The following SPRN variants were observed in gnomAD, a reference collection of about 807,000 sequenced individuals.
SPRN encodes the protein shadow of prion protein.
For missense variants in SPRN, 312 were observed against 241.4 expected (o/e 1.29, Z -1.94); for synonymous variants, 182 against 123.4 (o/e 1.48, Z -3.15).
In SPRN at chr10:133,423,662, G is replaced by A. The variant is rs2492666; in HGVS notation, c.20C>T (p.Thr7Met). Residue 7 changes from threonine (T) to methionine (M), a missense_variant, in exon 2 of 2, where the codon ACG (threonine) becomes ATG (methionine). By Grantham distance (81) the Thr-to-Met change is moderately conservative (BLOSUM62 -1). Coordinates refer to ENST00000685335, the MANE Select transcript of SPRN (RefSeq NM_001391974.1). ...GGCCGCCAGTAGCAGAGCCCAGCAC[G>A]TTGCGGGTGCCCAGTTCATCTTCGT... MNWAPA[T>M]CWALLLAAAF... The A allele has an allele frequency of 0.65, 1,018,152 of 1,577,562 alleles. 337,504 individuals are homozygous for A. The highest frequency in any genetic ancestry group is 0.68 in the Non-Finnish European group (794,555 of 1,162,702).
Position 133,423,445 on chromosome 10 carries a change from C to A in SPRN, c.237G>T (p.Ala79=). 3.2e-6 allele frequency: 4 copies of A among 1,244,252 alleles called. No homozygotes were observed. Among genetic ancestry groups the A allele is most frequent in the Admixed American group, 4.2e-5 (1 of 23,908 alleles). The allele number at this position is 1,244,252 out of a possible 1,614,324, so 77.1% of individuals were successfully genotyped here. The change falls in exon 2 of 2, where the codon GCG becomes GCT. Residue 79 remains alanine, a synonymous_variant. Transcript: ENST00000685335. The stretch of plus-strand genomic sequence containing the variant: ...CCGAGCCCGCCGCCAGGCCCGCGGC[C>A]GCTCCCGCCGCCGCCCCGGCTGCCG... ...AGAAAGAAAG[A]AAGLAAGSGW...
rs759765657 is a variant in SPRN at position 133,423,454 on chromosome 10, C to CGCCGCCCCGGCT, written c.216_227dup (p.Ala79_Gly82dup). On this transcript the variant is annotated inframe_insertion, in exon 2 of 2. Coordinates refer to ENST00000685335, the MANE Select transcript of SPRN (RefSeq NM_001391974.1). The stretch of plus-strand genomic sequence containing the variant: ...CCGCCAGGCCCGCGGCCGCTCCCGC[C>CGCCGCCCCGGCT]GCCGCCCCGGCTGCCGCCCCGGCGG... The CGCCGCCCCGGCT allele has an allele frequency of 2.2e-5, 27 of 1,211,588 alleles. 1 individual carries two copies. The Admixed American group carries it at 2.7e-4, about 12-fold the overall frequency. 75.1% of individuals were successfully genotyped at this position (1,211,588 alleles called of 1,614,324 possible). A position where few individuals can be genotyped will look rare whatever the true frequency, so the allele number is the denominator to read the frequency against.
chr10:133,423,557 C>G lies in SPRN; in HGVS notation c.125G>C (p.Gly42Ala). 3 of 1,285,058 alleles carry G rather than the reference C, an allele frequency of 2.3e-6. No homozygotes were observed. Among genetic ancestry groups the G allele is most frequent in the South Asian group, 5.0e-5 (2 of 39,772 alleles). The allele number at this position is 1,285,058 out of a possible 1,614,324, so 79.6% of individuals were successfully genotyped here. A position where few individuals can be genotyped will look rare whatever the true frequency, so the allele number is the denominator to read the frequency against. Residue 42 changes from glycine (G) to alanine (A), a missense_variant, in exon 2 of 2, where the codon GGT (glycine) becomes GCT (alanine). Transcript: ENST00000685335. ...RGSARGGVRG[G>A]ARGASRVRVR... ...GCGCACCCTCGAGGCCCCGCGCGCA[C>G]CCCCGCGGACCCCTCCCCGGGCACT...
At position 133,422,518 on chromosome 10, in the gene SPRN, C is replaced by A. The variant is rs772423880; in HGVS notation, c.*708G>T. The A allele has an allele frequency of 3.3e-5, 5 of 152,332 alleles. No individual in the cohort carries two copies. Among genetic ancestry groups the A allele is most frequent in the Non-Finnish European group, 7.3e-5 (5 of 68,146 alleles). The allele number at this position is 152,332 out of a possible 1,614,324, so 9.4% of individuals were successfully genotyped here. ...CTAAGGAGGGTAAAGTGACTTGTTT[C>A]AAGTTGTTGGAGCAAAGTGGGTCTC... is the stretch of plus-strand genomic sequence containing the variant. On this transcript the variant is annotated 3_prime_UTR_variant, in exon 2 of 2. Coordinates refer to ENST00000685335, the MANE Select transcript of SPRN (RefSeq NM_001391974.1).
chr10:133,423,073 G>A lies in SPRN; in HGVS notation c.*153C>T, dbSNP rs1850283054. The A allele has an allele frequency of 1.2e-6, 1 of 809,486 alleles. No homozygotes were observed. The highest frequency in any genetic ancestry group is 3.1e-5 in the East Asian group (1 of 32,402). The allele number at this position is 809,486 out of a possible 1,614,324, so 50.1% of individuals were successfully genotyped here. A position where few individuals can be genotyped will look rare whatever the true frequency, so the allele number is the denominator to read the frequency against. On this transcript the variant is annotated 3_prime_UTR_variant, in exon 2 of 2. Transcript: ENST00000685335. Reference sequence around the variant, plus strand: ...CAGGCTGAGGCGGCGTGGGCAGGACGGTGGATGGCGGGTCCACAGGGACAG... The same window carrying A: ...CAGGCTGAGGCGGCGTGGGCAGGACAGTGGATGGCGGGTCCACAGGGACAG...
intron 1 of SPRN, 96 bp from the exon 2 acceptor site, chr10:133,423,793 T>C: frequency 1.1e-6 from 1 of 871,548 alleles, no homozygotes; most frequent in Non-Finnish European, 1.6e-6. Flanking sequence ...ACCCCCATCT[T>C]TTGTGGGATC....
rs1464337868 is a variant in SPRN at position 133,421,084 on chromosome 10, TC to T, written c.*2141del. ...ATCCTGTGCAGAAGCTCCGGCTGCC[TC>T]TTTGCGGTGGTGGCCTGACCGTCCC... On this transcript the variant is annotated 3_prime_UTR_variant, in exon 2 of 2. Transcript: ENST00000685335. The T allele has an allele frequency of 6.6e-6, 1 of 152,298 alleles. No individual in the cohort carries two copies. The highest frequency in any genetic ancestry group is 1.5e-5 in the Non-Finnish European group (1 of 68,124). The allele number at this position is 152,298 out of a possible 1,614,324, so 9.4% of individuals were successfully genotyped here.
At chr10:133,424,253 A>T (rs1379315436) in intron 1 of SPRN, among the ~76,000 whole-genome samples, 1 of 124,080 alleles carries the variant, frequency 8.1e-6, no homozygotes, top group South Asian at 2.7e-4. Flanking sequence ...CATCGTGCGG[A>T]CTCCGCCCCA....
rs1182545724 is a variant in SPRN at position 133,423,510 on chromosome 10, C to A, written c.172G>T (p.Gly58Cys). The A allele has an allele frequency of 1.7e-6, 2 of 1,179,918 alleles. No individual in the cohort carries two copies. Among genetic ancestry groups the A allele is most frequent in the Non-Finnish European group, 2.1e-6 (2 of 957,552 alleles). 73.1% of individuals were successfully genotyped at this position (1,179,918 alleles called of 1,614,324 possible). Residue 58 changes from glycine to cysteine, a missense_variant, in exon 2 of 2, where the codon GGT (glycine) becomes TGT (cysteine). By Grantham distance (159) the Gly-to-Cys change is radical. Transcript: ENST00000685335. ...RVRVRPAQRYGAPGSSLRVAA... is the reference protein window; with the variant it reads ...RVRVRPAQRYCAPGSSLRVAA... ...ACGCGCAGGGAGGAGCCCGGGGCAC[C>A]GTAGCGCTGCGCCGGCCTCACGCGC...
Position 133,423,454 on chromosome 10 carries a change from C to T in SPRN, c.228G>A (p.Ala76=), listed in dbSNP as rs761318783. ...VAAAGAAAGA[A]AGAAAGLAAG... ...CCGCCAGGCCCGCGGCCGCTCCCGC[C>T]GCCGCCCCGGCTGCCGCCCCGGCGG... The change falls in exon 2 of 2, where the codon GCG becomes GCA. Residue 76 remains alanine (A), a synonymous_variant. Coordinates refer to ENST00000685335, the MANE Select transcript of SPRN (RefSeq NM_001391974.1). 39 of 1,211,588 alleles carry T rather than the reference C, an allele frequency of 3.2e-5. No individual in the cohort carries two copies. Among genetic ancestry groups the T allele is most frequent in the South Asian group, 1.1e-4 (3 of 26,434 alleles). The allele number at this position is 1,211,588 out of a possible 1,614,324, so 75.1% of individuals were successfully genotyped here. A position where few individuals can be genotyped will look rare whatever the true frequency, so the allele number is the denominator to read the frequency against.
rs574597890 is a variant in SPRN, at chr10:133,423,545, G to A, written c.137C>T (p.Ala46Val). Residue 46 changes from alanine to valine, a missense_variant, in exon 2 of 2, where the codon GCC (alanine) becomes GTC (valine). Physicochemically the swap from Ala to Val is moderately conservative, Grantham distance 64. Coordinates refer to ENST00000685335, the MANE Select transcript of SPRN (RefSeq NM_001391974.1). ...RGGVRGGARG[A>V]SRVRVRPAQR... ...CGCCGGCCTCACGCGCACCCTCGAG[G>A]CCCCGCGCGCACCCCCGCGGACCCC... 2.1e-5 allele frequency: 26 copies of A among 1,258,024 alleles called. No homozygotes were observed. The South Asian group carries it at 6.5e-4, about 31-fold the overall frequency. The allele number at this position is 1,258,024 out of a possible 1,614,324, so 77.9% of individuals were successfully genotyped here. A position where few individuals can be genotyped will look rare whatever the true frequency, so the allele number is the denominator to read the frequency against.
chr10:133,423,040 G>GGAGGTGGCAGGCT lies in SPRN; in HGVS notation c.*173_*185dup. On this transcript the variant is annotated 3_prime_UTR_variant, in exon 2 of 2. Transcript: ENST00000685335. ...CAGGGCCCATGGTCTCCTCTAGGTG[G>GGAGGTGGCAGGCT]GAGGTGGCAGGCTGAGGCGGCGTGG... is the stretch of plus-strand genomic sequence containing the variant. The GGAGGTGGCAGGCT allele has an allele frequency of 1.7e-6, 1 of 603,502 alleles. No homozygotes were observed. Among genetic ancestry groups the GGAGGTGGCAGGCT allele is most frequent in the Non-Finnish European group, 2.8e-6 (1 of 358,518 alleles). 37.4% of individuals were successfully genotyped at this position (603,502 alleles called of 1,614,324 possible). A position where few individuals can be genotyped will look rare whatever the true frequency, so the allele number is the denominator to read the frequency against.
In SPRN at chr10:133,423,400, T is replaced by A; in HGVS notation, c.282A>T (p.Gly94=). 1 of 1,487,152 alleles carries A rather than the reference T, an allele frequency of 6.7e-7. No homozygotes were observed. The highest frequency in any genetic ancestry group is 1.5e-5 in the African/African-American group (1 of 68,468). 92.1% of individuals were successfully genotyped at this position (1,487,152 alleles called of 1,614,324 possible). A position where few individuals can be genotyped will look rare whatever the true frequency, so the allele number is the denominator to read the frequency against. ...CGTCCTCCAGGCCGCGTTCCCCGGG[T>A]CCCGCGGCCCTTCTCCAGCCCGAGC... ...AAGSGWRRAA[G]PGERGLEDEE... The change falls in exon 2 of 2, where the codon GGA becomes GGT. Residue 94 remains glycine, a synonymous_variant. Transcript: ENST00000685335.
In SPRN at chr10:133,423,692, C is replaced by T. The variant is rs4838682; in HGVS notation, c.-11G>A. ...GGGTGCCCAGTTCATCTTCGTGGGGCTAAACCTGCGGGAAGAGAGGGAAAG... is the reference window on the plus strand; with the variant it reads ...GGGTGCCCAGTTCATCTTCGTGGGGTTAAACCTGCGGGAAGAGAGGGAAAG... On this transcript the variant is annotated 5_prime_UTR_variant, in exon 2 of 2. Transcript: ENST00000685335. 991,352 of 1,544,360 alleles carry T rather than the reference C, an allele frequency of 0.64. 326,017 individuals are homozygous for T. The highest frequency in any genetic ancestry group is 0.68 in the Non-Finnish European group (777,601 of 1,142,776).
chr10:133,423,160 A>T lies in SPRN; in HGVS notation c.*66T>A. Reference sequence around the variant, plus strand: ...TGGGCAAGGGAGGAAGGGGGAGCCCAGGCCGGAGGATCCTGGGGGATGGCG... The same window carrying T: ...TGGGCAAGGGAGGAAGGGGGAGCCCTGGCCGGAGGATCCTGGGGGATGGCG... On this transcript the variant is annotated 3_prime_UTR_variant, in exon 2 of 2. Transcript: ENST00000685335. 1 of 1,350,286 alleles carries T rather than the reference A, an allele frequency of 7.4e-7. No homozygotes were observed. Among genetic ancestry groups the T allele is most frequent in the Non-Finnish European group, 9.6e-7 (1 of 1,041,066 alleles). The allele number at this position is 1,350,286 out of a possible 1,614,324, so 83.6% of individuals were successfully genotyped here. A position where few individuals can be genotyped will look rare whatever the true frequency, so the allele number is the denominator to read the frequency against.
At position 133,423,149 on chromosome 10, in the gene SPRN, A is replaced by C. The variant is rs1850284393; in HGVS notation, c.*77T>G. 1 of 1,313,896 alleles carries C rather than the reference A, an allele frequency of 7.6e-7. No individual in the cohort carries two copies. Among genetic ancestry groups the C allele is most frequent in the African/African-American group, 1.5e-5 (1 of 64,662 alleles). The allele number at this position is 1,313,896 out of a possible 1,614,324, so 81.4% of individuals were successfully genotyped here. A position where few individuals can be genotyped will look rare whatever the true frequency, so the allele number is the denominator to read the frequency against. On this transcript the variant is annotated 3_prime_UTR_variant, in exon 2 of 2. Coordinates refer to ENST00000685335, the MANE Select transcript of SPRN (RefSeq NM_001391974.1). The stretch of plus-strand genomic sequence containing the variant: ...CTCCAAGACCGTGGGCAAGGGAGGA[A>C]GGGGGAGCCCAGGCCGGAGGATCCT...
chr10:133,423,676 G>T lies in SPRN; in HGVS notation c.6C>A (p.Asn2Lys), dbSNP rs1286127615. MNWAPATCWALL... is the reference protein window; with the variant it reads MKWAPATCWALL... Reference sequence around the variant, plus strand: ...GAGCCCAGCACGTTGCGGGTGCCCAGTTCATCTTCGTGGGGCTAAACCTGC... The same window carrying T: ...GAGCCCAGCACGTTGCGGGTGCCCATTTCATCTTCGTGGGGCTAAACCTGC... Residue 2 changes from asparagine to lysine, a missense_variant, in exon 2 of 2, where the codon AAC (asparagine) becomes AAA (lysine). Asn to Lys is a moderately conservative substitution (Grantham distance 94). Transcript: ENST00000685335. 6.3e-7 allele frequency: 1 copy of T among 1,578,652 alleles called. No homozygotes were observed. Among genetic ancestry groups the T allele is most frequent in the South Asian group, 1.1e-5 (1 of 87,086 alleles).
At position 133,421,906 on chromosome 10, in the gene SPRN, G is replaced by GGT. The variant is rs1554893377; in HGVS notation, c.*1319_*1320insAC. On this transcript the variant is annotated 3_prime_UTR_variant, in exon 2 of 2. Transcript: ENST00000685335. ...GGGTGAGATCCCAAGGCCACGGCGGGGGGCAGGGAGAACCCCTCCTACCCT... is the reference window on the plus strand; with the variant it reads ...GGGTGAGATCCCAAGGCCACGGCGGGGTGGGCAGGGAGAACCCCTCCTACCCT... 1 of 147,250 alleles carries GGT rather than the reference G, an allele frequency of 6.8e-6. No homozygotes were observed. Among genetic ancestry groups the GGT allele is most frequent in the African/African-American group, 2.5e-5 (1 of 40,756 alleles). 9.1% of individuals were successfully genotyped at this position (147,250 alleles called of 1,614,324 possible).
At position 133,423,535 on chromosome 10, in the gene SPRN, C is replaced by T. The variant is rs1448728372; in HGVS notation, c.147G>A (p.Val49=). The change falls in exon 2 of 2, where the codon GTG becomes GTA. Residue 49 remains valine, a synonymous_variant. Coordinates refer to ENST00000685335, the MANE Select transcript of SPRN (RefSeq NM_001391974.1). ...CGTAGCGCTGCGCCGGCCTCACGCGCACCCTCGAGGCCCCGCGCGCACCCC... is the reference window on the plus strand; with the variant it reads ...CGTAGCGCTGCGCCGGCCTCACGCGTACCCTCGAGGCCCCGCGCGCACCCC... ...VRGGARGASR[V]RVRPAQRYGA... is the part of the protein sequence containing the mutation. The T allele has an allele frequency of 4.1e-6, 5 of 1,215,874 alleles. No individual in the cohort carries two copies. The highest frequency in any genetic ancestry group is 5.1e-6 in the Non-Finnish European group (5 of 978,970). 75.3% of individuals were successfully genotyped at this position (1,215,874 alleles called of 1,614,324 possible).
Sources: gnomAD v4.1 joint callset for allele counts (sites outside exome capture counted in the v4.1 genomes callset) on GRCh38, gnomAD v4.1.1 for gene constraint, MANE v1.5 for transcripts, NCBI Gene and HGNC (gene_info 2026-07-23, HGNC 2026-07-21) for gene names.